The following FUT8 variants were observed in gnomAD, a reference collection of about 807,000 sequenced individuals.
The protein encoded by FUT8 is fucosyltransferase 8.
In FUT8, 29 loss-of-function variants were observed where a neutral mutation model predicts 71.3. That is an observed-to-expected ratio of 0.41 (90% CI 0.30 to 0.55). The LOEUF (loss-of-function observed/expected upper bound fraction) is 0.55, where lower values mean the gene tolerates loss of function less well. Ranked by LOEUF, FUT8 falls within the 20% of genes least tolerant of loss-of-function variation. FUT8 has a pLI of 0.34. For missense variants in FUT8, 544 were observed against 702.1 expected (o/e 0.77, Z 2.55); for synonymous variants, 254 against 239.3 (o/e 1.06, Z -0.57).
At chr14:65,456,000 C>T (rs2065889267) in intron 2 of FUT8, among the ~76,000 whole-genome samples, 1 of 152,186 alleles carries the variant, frequency 6.6e-6, no homozygotes, top group South Asian at 2.1e-4. Flanking sequence ...GAATGCGGTA[C>T]ACTGAACTTT....
chr14:65,590,584 A>G lies in FUT8; in HGVS notation c.204-25394A>G, dbSNP rs74452341. ...CCTGGTAGAACCCAATGTGTCATTCATCTGTTACCTAAATGTGGATTAGTA... is the reference window on the plus strand; with the variant it reads ...CCTGGTAGAACCCAATGTGTCATTCGTCTGTTACCTAAATGTGGATTAGTA... On this transcript the variant is annotated intron_variant, in intron 3 of 10. Coordinates refer to ENST00000673929, the MANE Select transcript of FUT8 (RefSeq NM_001371533.1). Among the ~76,000 whole-genome samples the G allele has an allele frequency of 8.4e-3, 1,280 of 152,302 alleles. 18 individuals are homozygous for G. Among genetic ancestry groups the G allele is most frequent in the African/African-American group, 0.029 (1,226 of 41,572 alleles).
chr14:65,698,573 A>G (rs1022446727), intron 7 of FUT8, among the ~76,000 whole-genome samples: 4 of 152,206 alleles, frequency 2.6e-5, no homozygotes, highest in Non-Finnish European at 5.9e-5. Context: ...AAACTGTTAA[A>G]GTTCTTAAAT....
chr14:65,726,495 G>T (rs1275848571), intron 9 of FUT8, among the ~76,000 whole-genome samples: 1 of 152,204 alleles, frequency 6.6e-6, no homozygotes, highest in Non-Finnish European at 1.5e-5. Flanking sequence ...GAGAGCTTGT[G>T]CAGGGAAACT....
chr14:65,439,661 G>C (rs1005318927), intron 1 of FUT8, among the ~76,000 whole-genome samples: 1 of 151,840 alleles, frequency 6.6e-6, no homozygotes, highest in African/African-American at 2.4e-5. Context: ...ATTTCATGGA[G>C]AGGAAAAGAA....
intron 2 of FUT8, among the ~76,000 whole-genome samples, chr14:65,541,590 T>C (rs1337994537): frequency 6.6e-6 from 1 of 152,186 alleles, no homozygotes; most frequent in Non-Finnish European, 1.5e-5. Flanking sequence ...CCTTTTTGTT[T>C]AATTCAGGTG....
intron 2 of FUT8, among the ~76,000 whole-genome samples, chr14:65,477,812 A>G (rs756098334): frequency 1.3e-5 from 2 of 151,916 alleles, no homozygotes; most frequent in Non-Finnish European, 2.9e-5. Flanking sequence ...AGGAATCTGA[A>G]CTATAGAACC....
chr14:65,520,786 AC>A lies in FUT8; in HGVS notation c.-227-40550del, dbSNP rs1293948146. Among the ~76,000 whole-genome samples the A allele has an allele frequency of 2.0e-5, 3 of 152,252 alleles. No individual in the cohort carries two copies. In the East Asian group the frequency reaches 5.8e-4, roughly 29 times the overall value. ...TAAAAGTTATCATTATTCTTTTAAA[AC>A]AAGTTTTATTTTTCAGACCACACAG... On this transcript the variant is annotated intron_variant, in intron 2 of 10. Coordinates refer to ENST00000673929, the MANE Select transcript of FUT8 (RefSeq NM_001371533.1).
At chr14:65,579,803 T>A (rs1886977742) in intron 3 of FUT8, among the ~76,000 whole-genome samples, 1 of 152,092 alleles carries the variant, frequency 6.6e-6, no homozygotes, top group Non-Finnish European at 1.5e-5. Flanking sequence ...CTAAGCTGAT[T>A]TCTTGCTATG....
chr14:65,400,211 T>C, the FUT8 span, among the ~76,000 whole-genome samples: 3 of 152,208 alleles, frequency 2.0e-5, no homozygotes, highest in Non-Finnish European at 2.9e-5. Context: ...CCATAAACTA[T>C]ATCAATGGTA....
chr14:65,607,878 C>T lies in FUT8; in HGVS notation c.204-8100C>T, dbSNP rs561742700. Among the ~76,000 whole-genome samples, 1 of 151,702 alleles carries T rather than the reference C, an allele frequency of 6.6e-6. No individual in the cohort carries two copies. Among genetic ancestry groups the T allele is most frequent in the African/African-American group, 2.4e-5 (1 of 41,364 alleles). ...GGAGATCGAGACCATTACTGGCCAA[C>T]ATGGTGAAACCCCGTCTCTACGAAA... On this transcript the variant is annotated intron_variant, in intron 3 of 10. Transcript: ENST00000673929. This position sits in a 1 kb window ranked among gnomAD's most constrained non-coding sequence, Gnocchi z 4.1.
chr14:65,675,462 C>G (rs1161623221), intron 7 of FUT8, among the ~76,000 whole-genome samples: 1 of 152,092 alleles, frequency 6.6e-6, no homozygotes, highest in Admixed American at 6.5e-5. Flanking sequence ...TGATCAAACT[C>G]CAGCCCATTG....
chr14:65,654,836 A>C (rs1244368975), intron 6 of FUT8, among the ~76,000 whole-genome samples: 1 of 152,116 alleles, frequency 6.6e-6, no homozygotes, highest in Non-Finnish European at 1.5e-5. Context: ...CAAATGATCT[A>C]AACATACCAG....
chr14:65,493,176 G>C (rs1265059628), intron 2 of FUT8, among the ~76,000 whole-genome samples: 1 of 152,078 alleles, frequency 6.6e-6, no homozygotes, highest in African/African-American at 2.4e-5. Context: ...ACCTTTCCAG[G>C]GCATAGAGGA....
intron 3 of FUT8, among the ~76,000 whole-genome samples, chr14:65,564,457 A>G (rs1394449781): frequency 6.6e-6 from 1 of 152,086 alleles, no homozygotes; most frequent in East Asian, 1.9e-4. Flanking sequence ...TAATTTAAAT[A>G]TCGTATCTTG....
At chr14:65,727,751 A>G (rs1230146756) in intron 9 of FUT8, among the ~76,000 whole-genome samples, 7 of 152,194 alleles carry the variant, frequency 4.6e-5, no homozygotes, top group African/African-American at 1.7e-4. Flanking sequence ...CTCCTCAGAA[A>G]ATGGGATTTT....
chr14:65,611,221 G>A (rs1272471795), intron 3 of FUT8, among the ~76,000 whole-genome samples: 431 of 3,842 alleles, frequency 0.11, 83 homozygotes, highest in African/African-American at 0.14. Context: ...GCGCGCGCGC[G>A]CGCACACACA....
the FUT8 span, among the ~76,000 whole-genome samples, chr14:65,375,860 G>A: frequency 1.1e-5 from 1 of 90,808 alleles, no homozygotes; most frequent in Non-Finnish European, 2.5e-5. Context: ...GGAGGCCAAG[G>A]CGGGCAGATC....
intron 3 of FUT8, among the ~76,000 whole-genome samples, chr14:65,602,339 T>TCACACA (rs1491157190): frequency 1.0e-4 from 9 of 88,222 alleles, no homozygotes; most frequent in Non-Finnish European, 1.5e-4. Flanking sequence ...TAGCGTTCCA[T>TCACACA]CTCTCACACA....
chr14:65,440,923 A>G (rs1012135006), intron 1 of FUT8, among the ~76,000 whole-genome samples: 1 of 152,164 alleles, frequency 6.6e-6, no homozygotes, highest in Admixed American at 6.5e-5. Flanking sequence ...CTGAGTAGAA[A>G]CTTCCTTACC....
Sources: allele counts gnomAD v4.1 joint callset (sites outside exome capture counted in the v4.1 genomes callset), GRCh38; gene constraint gnomAD v4.1.1; non-coding constraint Gnocchi (gnomAD v3.1); transcripts MANE v1.5; gene names NCBI Gene and HGNC (gene_info 2026-07-23, HGNC 2026-07-21).